RNF150: variants seen among roughly 807,000 people sequenced by gnomAD.
RNF150 encodes ring finger protein 150.
A neutral mutation model predicts 39.3 loss-of-function variants in RNF150; 24 were observed. The ratio of observed to expected loss-of-function variants is 0.61; its 90% CI spans 0.44 to 0.86. The LOEUF (loss-of-function observed/expected upper bound fraction) is 0.86. Ranked by LOEUF, RNF150 falls within the 40% of genes least tolerant of loss-of-function variation. RNF150 has a pLI of 0.00. For missense variants in RNF150, 502 were observed against 587.8 expected (o/e 0.85, Z 1.51); for synonymous variants, 255 against 227.3 (o/e 1.12, Z -1.10).
chr4:140,979,288 A>T (rs570393133), intron 1 of RNF150, among the ~76,000 whole-genome samples: 10 of 152,232 alleles, frequency 6.6e-5, no homozygotes, highest in African/African-American at 2.2e-4. Flanking sequence ...AGTATAGGAG[A>T]CTATGAGAGA....
In RNF150 at chr4:140,863,831, T is replaced by A. The variant is rs974251498; in HGVS notation, c.*4430A>T. 1.3e-5 allele frequency: 2 copies of A among 149,074 alleles called. No homozygotes were observed. Among genetic ancestry groups the A allele is most frequent in the Non-Finnish European group, 3.0e-5 (2 of 66,608 alleles). 9.2% of individuals were successfully genotyped at this position (149,074 alleles called of 1,614,324 possible). On this transcript the variant is annotated 3_prime_UTR_variant, in exon 7 of 7. Transcript: ENST00000515673. The stretch of plus-strand genomic sequence containing the variant: ...CCAGATTTTTTGAAAAGTTTTGATT[T>A]AAGGATTTTTTTTTAAGTCAGGGTG...
intron 4 of RNF150, among the ~76,000 whole-genome samples, chr4:140,935,066 ATAAT>A (rs1731807208): frequency 8.5e-6 from 1 of 117,536 alleles, no homozygotes; most frequent in African/African-American, 3.8e-5. Flanking sequence ...TTATATATAT[ATAAT>A]ATATATATAA....
intron 1 of RNF150, among the ~76,000 whole-genome samples, chr4:140,973,733 C>T (rs536373239): frequency 1.4e-4 from 22 of 151,886 alleles, no homozygotes; most frequent in Non-Finnish European, 2.5e-4. Context: ...AAAAATTAGA[C>T]GGGGATGGTG....
intron 1 of RNF150, among the ~76,000 whole-genome samples, chr4:141,113,606 TCAA>T (rs1354051738): frequency 6.6e-6 from 1 of 152,102 alleles, no homozygotes; most frequent in Non-Finnish European, 1.5e-5. Flanking sequence ...ATTAGACAGA[TCAA>T]CGAGACAGAA....
chr4:140,890,295 A>G (rs930411674), intron 6 of RNF150, among the ~76,000 whole-genome samples: 14 of 152,178 alleles, frequency 9.2e-5, no homozygotes, highest in African/African-American at 2.7e-4. Flanking sequence ...ATTCTTGTTA[A>G]CTGCTACAAA....
intron 1 of RNF150, among the ~76,000 whole-genome samples, chr4:141,131,461 G>A (rs1726889774): frequency 1.3e-5 from 2 of 152,172 alleles, no homozygotes; most frequent in African/African-American, 4.8e-5. Context: ...CCTGGGGATG[G>A]CTTTTTTGGG....
chr4:141,012,828 C>T (rs146476198), intron 1 of RNF150, among the ~76,000 whole-genome samples: 139 of 144,392 alleles, frequency 9.6e-4, no homozygotes, highest in Non-Finnish European at 1.8e-3. Flanking sequence ...ATCTTGTGCT[C>T]CCTATTCCCA....
At chr4:140,902,709 A>C (rs796408579) in intron 6 of RNF150, among the ~76,000 whole-genome samples, 1 of 152,236 alleles carries the variant, frequency 6.6e-6, no homozygotes, top group Admixed American at 6.5e-5. Flanking sequence ...TGAATACTGC[A>C]TAACAGCATT....
At chr4:140,980,516 C>T (rs1579023965) in intron 1 of RNF150, among the ~76,000 whole-genome samples, 1 of 152,064 alleles carries the variant, frequency 6.6e-6, no homozygotes. Context: ...TGTCCCCCTG[C>T]CCCCAGATCT....
At chr4:141,130,735 C>G (rs1488809320) in intron 1 of RNF150, among the ~76,000 whole-genome samples, 1 of 152,192 alleles carries the variant, frequency 6.6e-6, no homozygotes, top group African/African-American at 2.4e-5. Flanking sequence ...CACCCCTCCT[C>G]CACTGAGGTT....
chr4:140,897,140 G>GA (rs1729991082), intron 6 of RNF150, among the ~76,000 whole-genome samples: 1 of 152,182 alleles, frequency 6.6e-6, no homozygotes, highest in Non-Finnish European at 1.5e-5. Context: ...TATGTGTTCA[G>GA]TGGGGAGATT....
chr4:140,966,867 G>A (rs1291141702), intron 2 of RNF150, among the ~76,000 whole-genome samples: 2 of 152,132 alleles, frequency 1.3e-5, no homozygotes, highest in Non-Finnish European at 2.9e-5. Context: ...AATGTACTAA[G>A]TGTCATGTGT....
chr4:140,957,292 A>G (rs1443133087), intron 2 of RNF150, among the ~76,000 whole-genome samples: 1 of 152,072 alleles, frequency 6.6e-6, no homozygotes. Flanking sequence ...CAAAAAACAC[A>G]TGAAAAAATG....
intron 1 of RNF150, among the ~76,000 whole-genome samples, chr4:141,177,330 C>T (rs942815146): frequency 3.3e-5 from 5 of 152,170 alleles, no homozygotes; most frequent in African/African-American, 1.2e-4. Context: ...CATCCTAAGC[C>T]CAAGTTCATG....
intron 1 of RNF150, among the ~76,000 whole-genome samples, chr4:141,059,551 AATTCTCTATTTTTTTTGC>A (rs1186149246): frequency 6.6e-6 from 1 of 152,088 alleles, no homozygotes; most frequent in East Asian, 1.9e-4. Context: ...ATCCAGTTGC[AATTCTCTATTTTTTTTGC>A]AGTAATTTCT....
chr4:141,177,065 A>AC (rs1018712602), intron 1 of RNF150, among the ~76,000 whole-genome samples: 2 of 151,358 alleles, frequency 1.3e-5, no homozygotes, highest in Non-Finnish European at 3.0e-5. Context: ...AAAAAAAAAA[A>AC]AAAAAAAAAC....
At chr4:140,942,175 C>CA (rs1732113971) in intron 4 of RNF150, among the ~76,000 whole-genome samples, 1 of 151,858 alleles carries the variant, frequency 6.6e-6, no homozygotes, top group Admixed American at 6.6e-5. Flanking sequence ...CAAAAAAAAC[C>CA]AAAAAACAAA....
intron 1 of RNF150, among the ~76,000 whole-genome samples, chr4:141,080,626 T>A (rs916578101): frequency 6.6e-6 from 1 of 152,240 alleles, no homozygotes; most frequent in African/African-American, 2.4e-5. Context: ...TTGCATGTTT[T>A]TTGTTCTTTT....
chr4:141,062,222 T>G (rs28548634), intron 1 of RNF150, among the ~76,000 whole-genome samples: 67 of 152,114 alleles, frequency 4.4e-4, no homozygotes, highest in Non-Finnish European at 7.9e-4. Context: ...ATGCATGAAA[T>G]TATTACTCTT....
Sources: gnomAD v4.1 joint callset for allele counts (sites outside exome capture counted in the v4.1 genomes callset) on GRCh38, gnomAD v4.1.1 for gene constraint, MANE v1.5 for transcripts, NCBI Gene and HGNC (gene_info 2026-07-23, HGNC 2026-07-21) for gene names.